PARVB: variants seen among roughly 807,000 people sequenced by gnomAD.
PARVB encodes the protein beta-parvin.
A neutral mutation model predicts 47.0 loss-of-function variants in PARVB; 46 were observed. That is an observed-to-expected ratio of 0.98 (90% CI 0.77 to 1.25). The LOEUF is 1.25. PARVB is among the 50% of genes most tolerant of loss of function. PARVB has a pLI of 0.00. For synonymous variants in PARVB, 196 were observed against 196.3 expected, an observed-to-expected ratio of 1.00 and a Z score of 0.01; for missense variants, 473 against 471.6, an observed-to-expected ratio of 1.00 and a Z score of -0.03.
At chr22:44,163,077 C>T (rs375441166) in intron 11 of PARVB, among the ~76,000 whole-genome samples, 7 of 152,216 alleles carry the variant, frequency 4.6e-5, no homozygotes, top group East Asian at 3.9e-4. Context: ...CACAGCCTCA[C>T]GTGCAGGTCT....
chr22:44,114,908 G>A lies in PARVB; in HGVS notation c.274-4130G>A, dbSNP rs181810311. 1.7e-3 allele frequency: 198 copies of A among 114,306 alleles called. 27 individuals are homozygous for A. Among genetic ancestry groups the A allele is most frequent in the Non-Finnish European group, 2.9e-3 (167 of 57,674 alleles). 7.1% of individuals were successfully genotyped at this position (114,306 alleles called of 1,614,324 possible). ...CACAGATACATTGTTACTAAGTAAGGCCCTGTACCAACACAGATATATTGT... is the reference window on the plus strand; with the variant it reads ...CACAGATACATTGTTACTAAGTAAGACCCTGTACCAACACAGATATATTGT... On this transcript the variant is annotated intron_variant, in intron 3 of 12. Transcript: ENST00000338758.
chr22:44,164,587 C>CCTA (rs2054126651), intron 12 of PARVB, among the ~76,000 whole-genome samples: 1 of 152,212 alleles, frequency 6.6e-6, no homozygotes, highest in Non-Finnish European at 1.5e-5. Context: ...ACATTAAAGG[C>CCTA]TTTGACAAGT....
Position 44,168,836 on chromosome 22 carries a change from C to T in PARVB, c.*158C>T. 1 of 595,022 alleles carries T rather than the reference C, an allele frequency of 1.7e-6. No homozygotes were observed. Among genetic ancestry groups the T allele is most frequent in the Non-Finnish European group, 3.0e-6 (1 of 330,918 alleles). The allele number at this position is 595,022 out of a possible 1,614,324, so 36.9% of individuals were successfully genotyped here. ...CCCCTACCTCACGCCTGCCCCACCC[C>T]CTGCCTCTTTTGGTTGTTGTTCTTA... On this transcript the variant is annotated 3_prime_UTR_variant, in exon 13 of 13. Coordinates refer to ENST00000338758, the MANE Select transcript of PARVB (RefSeq NM_013327.5).
chr22:44,091,386 G>A (rs185751994), intron 1 of PARVB, among the ~76,000 whole-genome samples: 5 of 149,520 alleles, frequency 3.3e-5, no homozygotes, highest in East Asian at 2.0e-4. Flanking sequence ...TATTAAGTAC[G>A]TTCTCATTGT....
chr22:44,094,135 G>A (rs2052240075), intron 2 of PARVB, 118 bp downstream of exon 2: 2 of 556,630 alleles, frequency 3.6e-6, no homozygotes, highest in Non-Finnish European at 6.3e-6. Flanking sequence ...GATGCTGGGG[G>A]CATTTGGGAG....
At chr22:44,117,646 G>A (rs974782747) in intron 3 of PARVB, among the ~76,000 whole-genome samples, 1 of 152,170 alleles carries the variant, frequency 6.6e-6, no homozygotes, top group Non-Finnish European at 1.5e-5. Flanking sequence ...TGTCAGGTTC[G>A]ATATTTTTAT....
intron 4 of PARVB, among the ~76,000 whole-genome samples, chr22:44,119,471 G>T (rs2052991905): frequency 6.6e-6 from 1 of 152,210 alleles, no homozygotes; most frequent in Non-Finnish European, 1.5e-5. Flanking sequence ...GGTTCAGGAT[G>T]GGAGGCAGCA....
intron 2 of PARVB, among the ~76,000 whole-genome samples, chr22:44,002,340 C>T (rs1378946953): frequency 2.0e-5 from 3 of 152,206 alleles, no homozygotes; most frequent in African/African-American, 7.2e-5. Flanking sequence ...TGAGAATGCC[C>T]ATAAGGGCTA....
intron 2 of PARVB, among the ~76,000 whole-genome samples, chr22:44,006,137 G>A (rs943592480): frequency 4.6e-5 from 7 of 152,198 alleles, no homozygotes; most frequent in Non-Finnish European, 1.0e-4. Flanking sequence ...TAGAGGCAGG[G>A]TCTTGCTATG....
intron 7 of PARVB, 67 bp downstream of exon 7, chr22:44,136,585 AC>A: frequency 1.5e-6 from 2 of 1,365,812 alleles, no homozygotes; most frequent in Non-Finnish European, 1.0e-6. Context: ...CCAGGCTGCC[AC>A]TTCAGCCAGG....
intron 8 of PARVB, chr22:44,141,643 A>C (rs1382915859): frequency 1.3e-5 from 2 of 152,234 alleles, no homozygotes; most frequent in African/African-American, 4.8e-5. Flanking sequence ...CAATCCAATC[A>C]AGCTGACAGT....
intron 1 of PARVB, among the ~76,000 whole-genome samples, chr22:44,046,764 G>C (rs1254368474): frequency 6.6e-6 from 1 of 152,238 alleles, no homozygotes; most frequent in African/African-American, 2.4e-5. Flanking sequence ...GTTCCCACCA[G>C]TGTCTCTGTG....
chr22:44,151,438 C>T, intron 9 of PARVB, 45 bp from the exon 10 acceptor site: 2 of 1,449,232 alleles, frequency 1.4e-6, no homozygotes, highest in Non-Finnish European at 1.9e-6. Flanking sequence ...ATGGGACCTG[C>T]ATGCGGGCCA....
intron 10 of PARVB, among the ~76,000 whole-genome samples, chr22:44,154,204 AT>A (rs77339857): frequency 0.086 from 13,001 of 151,996 alleles, 798 homozygotes; most frequent in South Asian, 0.28. Context: ...CAATATCTTC[AT>A]TTTTTTCCCC....
intron 4 of PARVB, chr22:44,119,755 G>C (rs750414897): frequency 9.4e-6 from 5 of 529,538 alleles, no homozygotes; most frequent in Admixed American, 5.9e-5. Flanking sequence ...CTTACAGTCT[G>C]TCTGAAAAGA....
chr22:44,125,138 ATTGT>A lies in PARVB; in HGVS notation c.376+6003_376+6006del, dbSNP rs2053159821. Among the ~76,000 whole-genome samples, 2 of 152,074 alleles carry A rather than the reference ATTGT, an allele frequency of 1.3e-5. No individual in the cohort carries two copies. The highest frequency in any genetic ancestry group is 1.3e-4 in the Admixed American group (2 of 15,266). On this transcript the variant is annotated intron_variant, in intron 4 of 12. Transcript: ENST00000338758. The surrounding 1 kb of genome is among the most constrained non-coding windows in gnomAD (Gnocchi z 4.1). ...AAGGACACAGTGATGCTTGGACCAC[ATTGT>A]TTGTCCTTATTCATCTGGCCCTCAG...
chr22:44,063,985 G>A (rs575071798), intron 1 of PARVB, among the ~76,000 whole-genome samples: 36 of 152,336 alleles, frequency 2.4e-4, no homozygotes, highest in African/African-American at 8.4e-4. Flanking sequence ...TGATACCAGA[G>A]GCCTGGGATC....
rs777258918 is a variant in PARVB at position 44,094,022 on chromosome 22, G to A, written c.202+5G>A. Reference sequence around the variant, plus strand: ...ACCCTGAAGACACCCAGCTTGGTACGGGGGTTCCTCCGCTCCCTGCCCTGA... The same window carrying A: ...ACCCTGAAGACACCCAGCTTGGTACAGGGGTTCCTCCGCTCCCTGCCCTGA... On this transcript the variant is annotated splice_donor_5th_base_variant and intron_variant, in intron 2 of 12. Transcript: ENST00000338758. 1.1e-5 allele frequency: 18 copies of A among 1,571,588 alleles called. No homozygotes were observed. The highest frequency in any genetic ancestry group is 4.5e-5 in the South Asian group (4 of 89,750).
upstream of PARVB, among the ~76,000 whole-genome samples, chr22:44,023,582 TA>T (rs1569056561): frequency 1.4e-5 from 2 of 146,054 alleles, no homozygotes; most frequent in African/African-American, 2.7e-5. Context: ...TAAAATAAAA[TA>T]AAATAAAATA....
Sources: allele counts gnomAD v4.1 joint callset (sites outside exome capture counted in the v4.1 genomes callset), GRCh38; gene constraint gnomAD v4.1.1; non-coding constraint Gnocchi (gnomAD v3.1); transcripts MANE v1.5; gene names NCBI Gene and HGNC (gene_info 2026-07-23, HGNC 2026-07-21).